Variants in TBC1D22A observed in about 807,000 individuals in gnomAD.
The protein encoded by TBC1D22A is putative GTPase activator.
TBC1D22A carries 38 observed loss-of-function variants against 60.2 expected under a neutral mutation model. That is an observed-to-expected ratio of 0.63 (90% CI 0.49 to 0.83). TBC1D22A has a LOEUF of 0.83. TBC1D22A is among the 40% of genes least tolerant of loss of function. TBC1D22A has a pLI of 0.00. For missense variants in TBC1D22A, 628 were observed against 701.0 expected (o/e 0.90, Z 1.18); for synonymous variants, 302 against 281.7 (o/e 1.07, Z -0.72).
chr22:47,091,380 A>T lies in TBC1D22A; in HGVS notation c.1330-20128A>T, dbSNP rs569568513. Among the ~76,000 whole-genome samples, 5 of 122,606 alleles carry T rather than the reference A, an allele frequency of 4.1e-5. No homozygotes were observed. In the East Asian group the frequency reaches 1.4e-3, roughly 33 times the overall value. The allele number at this position is 122,606 out of a possible 152,430, so 80.4% of individuals were successfully genotyped here. On this transcript the variant is annotated intron_variant, in intron 11 of 12. Transcript: ENST00000337137. ...GAGTGGCCTCGCAGAGGGGTTGTTGATAGAGACAGGCACGAGAAGTCGTCT... is the reference window on the plus strand; with the variant it reads ...GAGTGGCCTCGCAGAGGGGTTGTTGTTAGAGACAGGCACGAGAAGTCGTCT...
At position 46,994,342 on chromosome 22, in the gene TBC1D22A, G is replaced by A. The variant is rs535357222; in HGVS notation, c.1126-3292G>A. On this transcript the variant is annotated intron_variant, in intron 9 of 12. Transcript: ENST00000337137. The stretch of plus-strand genomic sequence containing the variant: ...CCCATCAGAGCCAGTGTTGAGGGCC[G>A]GGCCCTGCCCACCTGCTGTGGAGCC... Among the ~76,000 whole-genome samples, 184 of 150,174 alleles carry A rather than the reference G, an allele frequency of 1.2e-3. 1 individual carries two copies. Among genetic ancestry groups the A allele is most frequent in the African/African-American group, 4.3e-3 (172 of 40,112 alleles).
At chr22:46,979,162 G>T (rs993679157) in intron 9 of TBC1D22A, among the ~76,000 whole-genome samples, 4 of 152,290 alleles carry the variant, frequency 2.6e-5, no homozygotes, top group African/African-American at 9.6e-5. Context: ...ACTGAGGTGT[G>T]CAGATCTTTT....
At chr22:46,826,096 T>C (rs551167893) in intron 4 of TBC1D22A, among the ~76,000 whole-genome samples, 3 of 152,250 alleles carry the variant, frequency 2.0e-5, no homozygotes, top group East Asian at 3.9e-4. Flanking sequence ...TTAGCCATGA[T>C]GGTCTCGATC....
chr22:47,004,287 C>T (rs1004229861), intron 10 of TBC1D22A, among the ~76,000 whole-genome samples: 42 of 150,680 alleles, frequency 2.8e-4, no homozygotes, highest in African/African-American at 9.5e-4. Flanking sequence ...CACCCCTGCA[C>T]ACAATCCTCA....
intron 11 of TBC1D22A, among the ~76,000 whole-genome samples, chr22:47,103,039 CT>C (rs889132521): frequency 2.6e-4 from 40 of 152,284 alleles, no homozygotes; most frequent in African/African-American, 8.2e-4. Flanking sequence ...TTCTTCCCCC[CT>C]CTCCCAAACC....
At chr22:47,034,332 C>T (rs1198749383) in intron 10 of TBC1D22A, among the ~76,000 whole-genome samples, 1 of 152,140 alleles carries the variant, frequency 6.6e-6, no homozygotes, top group Non-Finnish European at 1.5e-5. Flanking sequence ...CCTTGTGTGA[C>T]CTGCCCTCTG....
intron 8 of TBC1D22A, chr22:46,914,482 T>G (rs2070205717): frequency 6.6e-6 from 1 of 151,998 alleles, no homozygotes; most frequent in Non-Finnish European, 1.5e-5. Context: ...CACATGTGAT[T>G]ATTGCATTTG....
At chr22:46,822,084 C>G (rs1028188079) in intron 4 of TBC1D22A, among the ~76,000 whole-genome samples, 1 of 151,804 alleles carries the variant, frequency 6.6e-6, no homozygotes, top group Non-Finnish European at 1.5e-5. Context: ...TTTTCAGCTC[C>G]GTCAGGTCAT....
chr22:47,148,968 C>T (rs562599016), intron 12 of TBC1D22A, among the ~76,000 whole-genome samples: 21 of 149,410 alleles, frequency 1.4e-4, no homozygotes, highest in African/African-American at 4.6e-4. Context: ...CCCTTCATGC[C>T]GGTTCTAGGG....
At chr22:46,902,894 T>C (rs1045310032) in intron 7 of TBC1D22A, among the ~76,000 whole-genome samples, 1 of 152,094 alleles carries the variant, frequency 6.6e-6, no homozygotes, top group Non-Finnish European at 1.5e-5. Context: ...CCCAGAGAGA[T>C]CATATACAGT....
At chr22:47,005,232 T>C (rs2061545990) in intron 10 of TBC1D22A, among the ~76,000 whole-genome samples, 1 of 151,172 alleles carries the variant, frequency 6.6e-6, no homozygotes, top group South Asian at 2.1e-4. Flanking sequence ...CACACATGCC[T>C]ATACACAGAA....
At chr22:47,062,301 G>T (rs1251925129) in intron 11 of TBC1D22A, among the ~76,000 whole-genome samples, 1 of 152,092 alleles carries the variant, frequency 6.6e-6, no homozygotes, top group Non-Finnish European at 1.5e-5. Context: ...CCGGCAGTCT[G>T]TGTGCTCCTG....
intron 11 of TBC1D22A, among the ~76,000 whole-genome samples, chr22:47,079,451 C>A (rs2064368440): frequency 1.3e-5 from 2 of 152,076 alleles, no homozygotes; most frequent in African/African-American, 4.8e-5. Context: ...AAATAGCTAC[C>A]TTCCCATGGA....
chr22:46,805,798 C>A (rs1183424767), intron 4 of TBC1D22A, among the ~76,000 whole-genome samples: 1 of 151,750 alleles, frequency 6.6e-6, no homozygotes, highest in Admixed American at 6.6e-5. Context: ...CCCCCACACC[C>A]CCCACCCGAT....
At chr22:46,978,636 G>C (rs1014097096) in intron 9 of TBC1D22A, among the ~76,000 whole-genome samples, 1 of 152,040 alleles carries the variant, frequency 6.6e-6, no homozygotes, top group Non-Finnish European at 1.5e-5. Context: ...TTGTTTTTTG[G>C]AGATGAAGTC....
chr22:46,780,574 CGGCCTTGCAGCGTT>C lies in TBC1D22A; in HGVS notation c.63-11941_63-11928del, dbSNP rs1213970646. 5.9e-5 allele frequency among the ~76,000 whole-genome samples: 9 copies of C among 152,352 alleles called. No homozygotes were observed. In the East Asian group the frequency reaches 1.5e-3, roughly 26 times the overall value. On this transcript the variant is annotated intron_variant, in intron 1 of 12. Coordinates refer to ENST00000337137, the MANE Select transcript of TBC1D22A (RefSeq NM_014346.5). The stretch of plus-strand genomic sequence containing the variant: ...AGAGCTGCCTCCTGTCAAAACCCAG[CGGCCTTGCAGCGTT>C]GGCCAGAGTCGCTCTGTCCCTCTTG...
chr22:46,799,743 C>T (rs2084815709), intron 4 of TBC1D22A, among the ~76,000 whole-genome samples: 1 of 152,212 alleles, frequency 6.6e-6, no homozygotes, highest in South Asian at 2.1e-4. Flanking sequence ...TTGGTTTGTG[C>T]TTGTCTGATG....
chr22:46,897,638 TTGTTTTTTTTTGTG>T (rs1188052562), intron 7 of TBC1D22A, among the ~76,000 whole-genome samples: 2 of 131,362 alleles, frequency 1.5e-5, no homozygotes, highest in African/African-American at 6.0e-5. Context: ...TTGTTTCGTT[TTGTTTTTTTTTGTG>T]TTTTTTTTTT....
intron 8 of TBC1D22A, among the ~76,000 whole-genome samples, chr22:46,972,806 CCAAAT>C (rs1348032617): frequency 6.6e-6 from 1 of 152,142 alleles, no homozygotes; most frequent in Non-Finnish European, 1.5e-5. Flanking sequence ...AAACCCAGAA[CCAAAT>C]CAAAGCAATA....
Sources: gnomAD v4.1 joint callset for allele counts (sites outside exome capture counted in the v4.1 genomes callset) on GRCh38, gnomAD v4.1.1 for gene constraint, MANE v1.5 for transcripts, NCBI Gene and HGNC (gene_info 2026-07-23, HGNC 2026-07-21) for gene names.